RCC1L: variants seen among roughly 807,000 people sequenced by gnomAD.
RCC1L encodes the protein RCC1 like.
A neutral mutation model predicts 58.6 loss-of-function variants in RCC1L; 46 were observed. The ratio of observed to expected loss-of-function variants is 0.79; its 90% CI spans 0.62 to 1.00. The LOEUF is 1.00. Among genes scored for constraint, RCC1L ranks in the 50% least tolerant of loss-of-function variants. The pLI, the probability that RCC1L is intolerant of heterozygous loss-of-function variation, is 0.00. For synonymous variants in RCC1L, 281 were observed against 262.9 expected, an observed-to-expected ratio of 1.07 and a Z score of -0.67; for missense variants, 636 against 623.6, an observed-to-expected ratio of 1.02 and a Z score of -0.21.
chr7:75,051,451 G>A (rs1805914043), intron 10 of RCC1L, among the ~76,000 whole-genome samples: 2 of 150,002 alleles, frequency 1.3e-5, no homozygotes, highest in Non-Finnish European at 3.0e-5. Flanking sequence ...TCCCTCTGTT[G>A]CCCAGGCTGG....
chr7:75,052,624 G>T, intron 10 of RCC1L, 87 bp downstream of exon 10: 1 of 1,293,848 alleles, frequency 7.7e-7, no homozygotes, highest in Non-Finnish European at 1.1e-6. Context: ...CCCTCGTCCT[G>T]GCCCATCTGC....
intron 10 of RCC1L, among the ~76,000 whole-genome samples, chr7:75,034,188 G>A (rs1460784816): frequency 6.6e-6 from 1 of 152,152 alleles, no homozygotes; most frequent in Non-Finnish European, 1.5e-5. Flanking sequence ...AAAAGCAACA[G>A]GTCTGGATGC....
At position 75,066,662 on chromosome 7, in the gene RCC1L, A is replaced by G. The variant is rs782286456; in HGVS notation, c.583+2T>C. On this transcript the variant is annotated splice_donor_variant, in intron 3 of 10. Transcript: ENST00000610322. LOFTEE classifies it high-confidence loss of function. The stretch of plus-strand genomic sequence containing the variant: ...CCATCACCCTTCAATAGGTCAACTC[A>G]CCTCCTTCCCTGTCAGTCAACACAA... The G allele has an allele frequency of 6.2e-7, 1 of 1,610,442 alleles. No homozygotes were observed. Among genetic ancestry groups the G allele is most frequent in the Admixed American group, 1.7e-5 (1 of 59,750 alleles).
In RCC1L at chr7:75,052,807, A is replaced by G; in HGVS notation, c.1232-11T>C. On this transcript the variant is annotated splice_polypyrimidine_tract_variant and intron_variant, in intron 9 of 10. Transcript: ENST00000610322. Reference sequence around the variant, plus strand: ...ACAGCTCTCCTTTGTCTGCAAAGGGAGGAAAACAGGGGTTGGTTGGGACTG... The same window carrying G: ...ACAGCTCTCCTTTGTCTGCAAAGGGGGGAAAACAGGGGTTGGTTGGGACTG... 1 of 1,610,408 alleles carries G rather than the reference A, an allele frequency of 6.2e-7. No homozygotes were observed. The highest frequency in any genetic ancestry group is 2.2e-5 in the East Asian group (1 of 44,784).
chr7:75,049,383 G>A (rs979116288), intron 10 of RCC1L, among the ~76,000 whole-genome samples: 11 of 151,998 alleles, frequency 7.2e-5, no homozygotes, highest in Middle Eastern at 3.4e-3. Flanking sequence ...AAAATAAGCC[G>A]TGTGTGGTGG....
chr7:75,053,586 G>A (rs1467799433), intron 9 of RCC1L, among the ~76,000 whole-genome samples: 1 of 152,156 alleles, frequency 6.6e-6, no homozygotes, highest in African/African-American at 2.4e-5. Context: ...TTTAATATAT[G>A]TTTACAAACT....
At position 75,066,831 on chromosome 7, in the gene RCC1L, C is replaced by T. The variant is rs781947392; in HGVS notation, c.455-39G>A. The T allele has an allele frequency of 3.2e-6, 5 of 1,578,446 alleles. 1 individual carries two copies. The East Asian group carries it at 1.1e-4, about 36-fold the overall frequency. On this transcript the variant is annotated intron_variant, in intron 2 of 10. Transcript: ENST00000610322. Reference sequence around the variant, plus strand: ...AGGACACTGATTGAGGCATGCATTTCTACCACTGGAAATCATACTGTCCAA... The same window carrying T: ...AGGACACTGATTGAGGCATGCATTTTTACCACTGGAAATCATACTGTCCAA...
chr7:75,060,372 C>CA (rs1806235063), intron 6 of RCC1L, among the ~76,000 whole-genome samples: 3 of 152,238 alleles, frequency 2.0e-5, no homozygotes, highest in Non-Finnish European at 4.4e-5. Flanking sequence ...ACCCCCATAC[C>CA]AAGTGCCAAT....
intron 6 of RCC1L, among the ~76,000 whole-genome samples, chr7:75,060,379 CAAT>C (rs1420470614): frequency 6.6e-6 from 1 of 152,230 alleles, no homozygotes; most frequent in Non-Finnish European, 1.5e-5. Flanking sequence ...TACCAAGTGC[CAAT>C]AATGACATTT....
At position 75,042,659 on chromosome 7, in the gene RCC1L, T is replaced by C. The variant is rs1382450488; in HGVS notation, c.*373A>G. ...CCAGACACAAACCAAGAGACTGCCA[T>C]GACAGACAGAGCAGAAACCTCCCGA... On this transcript the variant is annotated 3_prime_UTR_variant, in exon 11 of 11. Coordinates refer to ENST00000610322, the MANE Select transcript of RCC1L (RefSeq NM_030798.5). 2.7e-6 allele frequency: 3 copies of C among 1,110,106 alleles called. No individual in the cohort carries two copies. In the African/African-American group the frequency reaches 4.9e-5, roughly 18 times the overall value. The allele number at this position is 1,110,106 out of a possible 1,614,324, so 68.8% of individuals were successfully genotyped here.
intron 2 of RCC1L, among the ~76,000 whole-genome samples, chr7:75,067,829 G>T (rs947739831): frequency 5.9e-5 from 9 of 151,538 alleles, no homozygotes; most frequent in Non-Finnish European, 2.9e-5. Flanking sequence ...TGGGTGACAG[G>T]GCAAGACCCT....
chr7:75,039,384 C>T (rs1014603677), downstream of RCC1L, among the ~76,000 whole-genome samples: 2 of 152,208 alleles, frequency 1.3e-5, no homozygotes, highest in African/African-American at 2.4e-5. Flanking sequence ...GCACAGTCAG[C>T]GCAGAAGTAT....
rs1011608226 is a variant in RCC1L at position 75,032,911 on chromosome 7, A to G, written c.1318-4832T>C. ...ACATAGTGTAACCCTATCTCTACTA[A>G]AAATATAAAAATTAGTTGGGCGTGG... is the stretch of plus-strand genomic sequence containing the variant. On this transcript the variant is annotated intron_variant, in intron 10 of 10. Coordinates refer to the RCC1L transcript ENST00000614461. Among the ~76,000 whole-genome samples, 355 of 151,916 alleles carry G rather than the reference A, an allele frequency of 2.3e-3. 9 individuals are homozygous for G. The East Asian group carries it at 0.05, about 21-fold the overall frequency.
At chr7:75,046,247 T>G (rs1805716735) in intron 10 of RCC1L, among the ~76,000 whole-genome samples, 2 of 152,088 alleles carry the variant, frequency 1.3e-5, no homozygotes, top group African/African-American at 4.8e-5. Context: ...CGGGGCCCAG[T>G]GAATCGCAAA....
rs1369332145 is a variant in RCC1L, at chr7:75,051,211, C to T, written c.1317+1500G>A. ...TATATATATATTTAATATATATAAACGTATAATATAAATGTATTATATATG... is the reference window on the plus strand; with the variant it reads ...TATATATATATTTAATATATATAAATGTATAATATAAATGTATTATATATG... On this transcript the variant is annotated intron_variant, in intron 10 of 10. Coordinates refer to ENST00000610322, the MANE Select transcript of RCC1L (RefSeq NM_030798.5). Among the ~76,000 whole-genome samples the T allele has an allele frequency of 8.3e-5, 12 of 144,296 alleles. No individual in the cohort carries two copies. In the South Asian group the frequency reaches 1.9e-3, roughly 23 times the overall value. 94.7% of individuals were successfully genotyped at this position (144,296 alleles called of 152,430 possible).
intron 10 of RCC1L, among the ~76,000 whole-genome samples, chr7:75,029,726 C>T (rs1805248741): frequency 1.3e-5 from 2 of 152,156 alleles, no homozygotes; most frequent in Non-Finnish European, 2.9e-5. Context: ...TAGTCCGCTC[C>T]GAGCAGGGCC....
At chr7:75,031,299 CCAG>C (rs1406243800) in intron 10 of RCC1L, among the ~76,000 whole-genome samples, 7 of 152,092 alleles carry the variant, frequency 4.6e-5, no homozygotes, top group Non-Finnish European at 8.8e-5. Context: ...GCCCGGGTCA[CCAG>C]CAGCAGCAGC....
In RCC1L at chr7:75,058,584, A is replaced by AT. The variant is rs1298278059; in HGVS notation, c.969+3dup. On this transcript the variant is annotated splice_donor_region_variant and intron_variant, in intron 7 of 10. Transcript: ENST00000610322. ...CCAGCACCACGCTGTCGGCGACTGC[A>AT]TACCTGTGTGGAGTCAGTGACAGAG... 78 of 1,599,436 alleles carry AT rather than the reference A, an allele frequency of 4.9e-5. No homozygotes were observed. Among genetic ancestry groups the AT allele is most frequent in the Non-Finnish European group, 5.6e-5 (66 of 1,171,948 alleles).
At chr7:75,059,649 A>G (rs187554388) in intron 6 of RCC1L, among the ~76,000 whole-genome samples, 10 of 151,934 alleles carry the variant, frequency 6.6e-5, no homozygotes, top group Non-Finnish European at 4.4e-5. Flanking sequence ...GGGCTCAAGC[A>G]ATCCTCCTGC....
Sources: gnomAD v4.1 joint callset for allele counts (sites outside exome capture counted in the v4.1 genomes callset) on GRCh38, gnomAD v4.1.1 for gene constraint, MANE v1.5 for transcripts, NCBI Gene and HGNC (gene_info 2026-07-23, HGNC 2026-07-21) for gene names.